Variants in TMC2 observed in about 807,000 individuals in gnomAD.
The protein encoded by TMC2 is transmembrane channel like 2, also known as transmembrane channel-like protein 2.
A neutral mutation model predicts 105.9 loss-of-function variants in TMC2; 102 were observed. The observed-to-expected ratio is 0.96, with a 90% confidence interval of 0.82 to 1.14. The LOEUF (loss-of-function observed/expected upper bound fraction) is 1.14, where lower values mean the gene tolerates loss of function less well. TMC2 is among the 50% of genes most tolerant of loss of function. TMC2 has a pLI of 0.00. For missense variants in TMC2, 1,093 were observed against 1,134.3 expected (o/e 0.96, Z 0.52); for synonymous variants, 402 against 422.8 (o/e 0.95, Z 0.60).
chr20:2,589,324 G>GT lies in TMC2; in HGVS notation c.835-2986_835-2985insT, dbSNP rs71193978. Among the ~76,000 whole-genome samples, 11 of 148,948 alleles carry GT rather than the reference G, an allele frequency of 7.4e-5. 1 individual carries two copies. Among genetic ancestry groups the GT allele is most frequent in the South Asian group, 2.1e-4 (1 of 4,690 alleles). ...TGTGTGTGTGTGTGTGTGTGTGTGTGGAGATGGGGTTTTTCCATGTTGCCC... is the reference window on the plus strand; with the variant it reads ...TGTGTGTGTGTGTGTGTGTGTGTGTGTGAGATGGGGTTTTTCCATGTTGCCC... On this transcript the variant is annotated intron_variant, in intron 7 of 19. Coordinates refer to ENST00000358864, the MANE Select transcript of TMC2 (RefSeq NM_080751.3).
chr20:2,636,919 TGTTAATCTCACTG>T lies in TMC2; in HGVS notation c.2386-553_2386-541del, dbSNP rs2086651134. Among the ~76,000 whole-genome samples, 3 of 152,230 alleles carry T rather than the reference TGTTAATCTCACTG, an allele frequency of 2.0e-5. No individual in the cohort carries two copies. The South Asian group carries it at 6.2e-4, about 32-fold the overall frequency. ...AGCCACCGTGCCCAGCCCCTTCTTC[TGTTAATCTCACTG>T]GGCTCCTGCCCAGGTACAGAAAACC... On this transcript the variant is annotated intron_variant, in intron 18 of 19. Transcript: ENST00000358864.
chr20:2,584,305 G>C (rs915295198), intron 7 of TMC2, among the ~76,000 whole-genome samples: 1 of 145,742 alleles, frequency 6.9e-6, no homozygotes, highest in Non-Finnish European at 1.5e-5. Context: ...TTAGCCGGGC[G>C]TAGTGGCGGG....
In TMC2 at chr20:2,558,724, A is replaced by C; in HGVS notation, c.351A>C (p.Glu117Asp). 1.3e-6 allele frequency: 2 copies of C among 1,592,342 alleles called. No individual in the cohort carries two copies. Among genetic ancestry groups the C allele is most frequent in the Non-Finnish European group, 1.7e-6 (2 of 1,169,620 alleles). ...FQERTAAPKR[E>D]KEIPRREEKS... Reference sequence around the variant, plus strand: ...AGCGGACAGCAGCCCCAAAGAGGGAAAAGGAGATTCCGAGGAGGGAGGAGA... The same window carrying C: ...AGCGGACAGCAGCCCCAAAGAGGGACAAGGAGATTCCGAGGAGGGAGGAGA... Residue 117 changes from glutamate (E) to aspartate (D), a missense_variant, in exon 3 of 20, where the codon GAA becomes GAC. Glu to Asp is a conservative substitution (Grantham distance 45). Coordinates refer to ENST00000358864, the MANE Select transcript of TMC2 (RefSeq NM_080751.3). The surrounding 1 kb of genome is among the most constrained non-coding windows in gnomAD (Gnocchi z 4.6).
rs2086688819 is a variant in TMC2 at position 2,641,438 on chromosome 20, C to T, written c.*87C>T. 1.3e-6 allele frequency: 1 copy of T among 779,888 alleles called. No homozygotes were observed. Among genetic ancestry groups the T allele is most frequent in the Non-Finnish European group, 2.1e-6 (1 of 473,500 alleles). The allele number at this position is 779,888 out of a possible 1,614,324, so 48.3% of individuals were successfully genotyped here. A position where few individuals can be genotyped will look rare whatever the true frequency, so the allele number is the denominator to read the frequency against. On this transcript the variant is annotated 3_prime_UTR_variant, in exon 20 of 20. Coordinates refer to ENST00000358864, the MANE Select transcript of TMC2 (RefSeq NM_080751.3). Reference sequence around the variant, plus strand: ...ATACCAAACCAAGGTTCTCTCCCCTCTTTCCTCTCACATACATGCTCTGTC... The same window carrying T: ...ATACCAAACCAAGGTTCTCTCCCCTTTTTCCTCTCACATACATGCTCTGTC...
At chr20:2,555,644 T>C (rs2085980983) in intron 2 of TMC2, among the ~76,000 whole-genome samples, 1 of 152,230 alleles carries the variant, frequency 6.6e-6, no homozygotes, top group African/African-American at 2.4e-5. Context: ...AAAATGATTA[T>C]TGATATAGTT....
chr20:2,622,867 C>T (rs1442375402), intron 16 of TMC2, among the ~76,000 whole-genome samples: 1 of 152,048 alleles, frequency 6.6e-6, no homozygotes, highest in Non-Finnish European at 1.5e-5. Flanking sequence ...CAATTCTCAT[C>T]TATATCCTCT....
At chr20:2,630,018 G>T (rs561226100) in intron 17 of TMC2, among the ~76,000 whole-genome samples, 6 of 152,262 alleles carry the variant, frequency 3.9e-5, no homozygotes, top group Admixed American at 3.9e-4. Flanking sequence ...CCCTAATGCA[G>T]ACAATAAGGA....
intron 7 of TMC2, among the ~76,000 whole-genome samples, chr20:2,583,697 T>C (rs2086211677): frequency 2.0e-5 from 3 of 152,098 alleles, no homozygotes; most frequent in Admixed American, 6.5e-5. Flanking sequence ...CCTGACCTCA[T>C]GATCCACCTG....
chr20:2,577,140 T>C (rs2422792), intron 5 of TMC2, among the ~76,000 whole-genome samples: 17,563 of 151,802 alleles, frequency 0.12, 1,201 homozygotes, highest in African/African-American at 0.18. Context: ...ACTCCTGCCC[T>C]CAGGTGATCC....
In TMC2 at chr20:2,537,316, G is replaced by A; in HGVS notation, c.82G>A (p.Gly28Ser). ...GRVKSGSPHT[G>S]DRLGRRSSSK... ...GGTGAAGAGCGGCTCTCCACACACA[G>A]GTGAGATGGGGTGGTGGGGTCTCTG... is the stretch of plus-strand genomic sequence containing the variant. The change falls in exon 2 of 20, where the codon GGT becomes AGT. Residue 28 changes from glycine (G) to serine (S), a missense_variant and splice_region_variant. Transcript: ENST00000358864. The A allele has an allele frequency of 1.3e-6, 2 of 1,597,936 alleles. No homozygotes were observed. Among genetic ancestry groups the A allele is most frequent in the Admixed American group, 1.7e-5 (1 of 57,380 alleles).
rs372388568 is a variant in TMC2, at chr20:2,637,611, G to C, written c.2503+20G>C. ...AGGAAGGTAAGCTCTTTGTCATAAT[G>C]ATTATGTTTTACAAGGCCACATGGA... On this transcript the variant is annotated intron_variant, in intron 19 of 19. Coordinates refer to ENST00000358864, the MANE Select transcript of TMC2 (RefSeq NM_080751.3). 1.0e-5 allele frequency: 16 copies of C among 1,557,170 alleles called. No individual in the cohort carries two copies. Among genetic ancestry groups the C allele is most frequent in the Admixed American group, 1.0e-4 (6 of 59,800 alleles).
intron 4 of TMC2, 61 bp from the exon 5 acceptor site, chr20:2,572,118 T>C: frequency 7.8e-7 from 1 of 1,290,108 alleles, no homozygotes; most frequent in South Asian, 1.2e-5. Context: ...GGCTTCATAA[T>C]TCAGATTTCC....
intron 3 of TMC2, among the ~76,000 whole-genome samples, chr20:2,560,933 C>T (rs2086021960): frequency 6.6e-6 from 1 of 152,078 alleles, no homozygotes; most frequent in Non-Finnish European, 1.5e-5. Flanking sequence ...ATAGTATTAT[C>T]TGGGAGATGG....
chr20:2,630,208 C>T (rs548573978), intron 17 of TMC2, among the ~76,000 whole-genome samples: 1 of 152,266 alleles, frequency 6.6e-6, no homozygotes, highest in East Asian at 1.9e-4. Flanking sequence ...GAGTCGATTG[C>T]ATTGGATAGA....
In TMC2 at chr20:2,643,500, G is replaced by GTA. The variant is rs1303220502; in HGVS notation, c.*2153_*2154dup. Among the ~76,000 whole-genome samples, 1 of 152,220 alleles carries GTA rather than the reference G, an allele frequency of 6.6e-6. No individual in the cohort carries two copies. Among genetic ancestry groups the GTA allele is most frequent in the African/African-American group, 2.4e-5 (1 of 41,444 alleles). On this transcript the variant is annotated 3_prime_UTR_variant, in exon 20 of 20. Coordinates refer to ENST00000358864, the MANE Select transcript of TMC2 (RefSeq NM_080751.3). ...GAAGTGTAATTTTATGTGACGGAAT[G>GTA]TATATGTCATCTAATGCTGCATAAC...
At chr20:2,581,133 G>A (rs986806784) in intron 7 of TMC2, among the ~76,000 whole-genome samples, 5 of 151,874 alleles carry the variant, frequency 3.3e-5, no homozygotes, top group African/African-American at 1.2e-4. Context: ...TGAGCATATT[G>A]GAGTCAATTC....
At chr20:2,638,799 A>G (rs1201903899) in intron 19 of TMC2, among the ~76,000 whole-genome samples, 1 of 152,260 alleles carries the variant, frequency 6.6e-6, no homozygotes. Flanking sequence ...ATATTTTTGT[A>G]CAGGTGGTCA....
At chr20:2,555,399 G>A (rs1034551073) in intron 2 of TMC2, among the ~76,000 whole-genome samples, 3 of 151,750 alleles carry the variant, frequency 2.0e-5, no homozygotes, top group South Asian at 2.1e-4. Context: ...CTTTATCCCC[G>A]ATAATTTTAC....
chr20:2,568,727 G>A (rs2086081497), intron 4 of TMC2, among the ~76,000 whole-genome samples: 1 of 152,206 alleles, frequency 6.6e-6, no homozygotes, highest in South Asian at 2.1e-4. Context: ...GGTGTTCACT[G>A]ATAAGTCACT....
Sources: gnomAD v4.1 joint callset for allele counts (sites outside exome capture counted in the v4.1 genomes callset) on GRCh38, gnomAD v4.1.1 for gene constraint, Gnocchi (gnomAD v3.1) non-coding constraint, MANE v1.5 for transcripts, NCBI Gene and HGNC (gene_info 2026-07-23, HGNC 2026-07-21) for gene names.